Variants in MGMT observed in about 807,000 individuals in gnomAD.
MGMT encodes O-6-methylguanine-DNA methyltransferase.
In MGMT, 14 loss-of-function variants were observed where a neutral mutation model predicts 15.9. That is an observed-to-expected ratio of 0.88 (90% CI 0.58 to 1.37). The LOEUF (loss-of-function observed/expected upper bound fraction) is 1.37. Ranked by LOEUF, MGMT falls within the 40% of genes most tolerant of loss-of-function variation. The pLI, the probability that MGMT is intolerant of heterozygous loss-of-function variation, is 0.00. For missense variants in MGMT, 282 were observed against 268.1 expected (o/e 1.05, Z -0.36); for synonymous variants, 130 against 118.2 (o/e 1.10, Z -0.65).
chr10:129,646,185 G>T (rs1412384720), intron 2 of MGMT, among the ~76,000 whole-genome samples: 1 of 152,160 alleles, frequency 6.6e-6, no homozygotes, highest in African/African-American at 2.4e-5. Flanking sequence ...AGGCAGATAG[G>T]AGTCCAGTCC....
chr10:129,687,345 C>T (rs946224475), intron 2 of MGMT, among the ~76,000 whole-genome samples: 6 of 151,966 alleles, frequency 3.9e-5, no homozygotes, highest in African/African-American at 1.4e-4. Context: ...CGACGTATCA[C>T]CCAAAGTTCT....
At chr10:129,576,821 A>C (rs1318605415) in intron 2 of MGMT, among the ~76,000 whole-genome samples, 2 of 152,254 alleles carry the variant, frequency 1.3e-5, no homozygotes, top group African/African-American at 4.8e-5. Context: ...TTAAGCTGAT[A>C]AGCAACTTCA....
chr10:129,592,390 G>A (rs1232628562), intron 2 of MGMT, among the ~76,000 whole-genome samples: 4 of 152,200 alleles, frequency 2.6e-5, no homozygotes, highest in Admixed American at 1.3e-4. Flanking sequence ...TAACTAGTGT[G>A]AATTTCGGTA....
At chr10:129,595,430 G>A (rs1010373658) in intron 2 of MGMT, among the ~76,000 whole-genome samples, 2 of 152,122 alleles carry the variant, frequency 1.3e-5, no homozygotes, top group South Asian at 2.1e-4. Flanking sequence ...GTGACCTGGC[G>A]TCCATCCTGA....
At chr10:129,605,520 G>A (rs549778177) in intron 2 of MGMT, among the ~76,000 whole-genome samples, 2 of 152,126 alleles carry the variant, frequency 1.3e-5, no homozygotes, top group South Asian at 4.1e-4. Context: ...AACAGACAAT[G>A]CAAAAATCCC....
intron 2 of MGMT, among the ~76,000 whole-genome samples, chr10:129,537,505 G>A (rs1356998963): frequency 6.6e-6 from 1 of 151,898 alleles, no homozygotes; most frequent in Non-Finnish European, 1.5e-5. Flanking sequence ...AGGGGAAAAT[G>A]TCATTTTGTC....
chr10:129,693,862 C>G (rs11597322), intron 2 of MGMT: 2 of 151,890 alleles, frequency 1.3e-5, no homozygotes, highest in Admixed American at 1.3e-4. Flanking sequence ...GACATCATGC[C>G]GCTGCACTGC....
intron 2 of MGMT, among the ~76,000 whole-genome samples, chr10:129,626,429 G>A (rs1440451754): frequency 3.3e-5 from 5 of 152,200 alleles, no homozygotes; most frequent in South Asian, 2.1e-4. Flanking sequence ...CCGGCAGCAC[G>A]TGTGAGTTTC....
Position 129,685,901 on chromosome 10 carries a change from G to A in MGMT, c.126-21994G>A, listed in dbSNP as rs146880649. ...CGTTTCTATTTATATTCTTATTTAT[G>A]TGCAACTGTATTTAATTATTCCCTA... On this transcript the variant is annotated intron_variant, in intron 2 of 4. Transcript: ENST00000651593. Among the ~76,000 whole-genome samples, 14 of 152,284 alleles carry A rather than the reference G, an allele frequency of 9.2e-5. No individual in the cohort carries two copies. In the East Asian group the frequency reaches 2.7e-3, roughly 29 times the overall value.
intron 2 of MGMT, among the ~76,000 whole-genome samples, chr10:129,548,815 G>A (rs1324868294): frequency 6.6e-6 from 1 of 152,166 alleles, no homozygotes; most frequent in East Asian, 1.9e-4. Flanking sequence ...AGAGACCCAG[G>A]AGACCAGGCC....
intron 3 of MGMT, among the ~76,000 whole-genome samples, chr10:129,724,350 A>T (rs758547833): frequency 8.5e-5 from 13 of 152,200 alleles, no homozygotes; most frequent in Non-Finnish European, 1.6e-4. Flanking sequence ...CAATCTGGAT[A>T]GGGAAAAGTT....
chr10:129,710,202 C>G (rs1848215456), intron 3 of MGMT, among the ~76,000 whole-genome samples: 1 of 152,224 alleles, frequency 6.6e-6, no homozygotes, highest in African/African-American at 2.4e-5. Flanking sequence ...GAGTAGCCGC[C>G]AGGATACTGG....
chr10:129,694,961 T>G (rs1848013732), intron 2 of MGMT, among the ~76,000 whole-genome samples: 1 of 152,262 alleles, frequency 6.6e-6, no homozygotes, highest in South Asian at 2.1e-4. Context: ...GAAAAAAGAT[T>G]TATTTTAATA....
chr10:129,750,554 A>G (rs1004759644), intron 3 of MGMT, among the ~76,000 whole-genome samples: 7 of 152,146 alleles, frequency 4.6e-5, no homozygotes, highest in African/African-American at 1.4e-4. Flanking sequence ...CCTTGTCATT[A>G]TCCTCTCAAC....
At chr10:129,469,285 A>G (rs1197742129) in intron 1 of MGMT, among the ~76,000 whole-genome samples, 1 of 152,222 alleles carries the variant, frequency 6.6e-6, no homozygotes, top group Non-Finnish European at 1.5e-5. Flanking sequence ...TAAAGTTACT[A>G]AATTGTCTGT....
intron 4 of MGMT, among the ~76,000 whole-genome samples, chr10:129,763,964 A>G (rs1351661926): frequency 2.6e-5 from 4 of 152,192 alleles, no homozygotes; most frequent in Non-Finnish European, 5.9e-5. Context: ...AGACTGCGTC[A>G]TTGGTGCACG....
intron 2 of MGMT, among the ~76,000 whole-genome samples, chr10:129,653,243 A>G (rs976631265): frequency 1.3e-5 from 2 of 152,254 alleles, no homozygotes; most frequent in African/African-American, 2.4e-5. Context: ...CTCTGGAGTT[A>G]ACTGTCAAAT....
intron 2 of MGMT, among the ~76,000 whole-genome samples, chr10:129,567,852 C>A (rs559703804): frequency 3.7e-4 from 56 of 152,244 alleles, no homozygotes; most frequent in Middle Eastern, 3.4e-3. Flanking sequence ...TGATAGATCA[C>A]CTAATTTTGT....
intron 3 of MGMT, among the ~76,000 whole-genome samples, chr10:129,719,846 A>G (rs1290959779): frequency 6.6e-6 from 1 of 152,144 alleles, no homozygotes; most frequent in Non-Finnish European, 1.5e-5. Context: ...AGTAGTAACA[A>G]TGTGTAAAAT....
Sources: gnomAD v4.1 joint callset for allele counts (sites outside exome capture counted in the v4.1 genomes callset) on GRCh38, gnomAD v4.1.1 for gene constraint, MANE v1.5 for transcripts, NCBI Gene and HGNC (gene_info 2026-07-23, HGNC 2026-07-21) for gene names.